Variants in USP48 observed in about 807,000 individuals in gnomAD.
The protein encoded by USP48 is ubiquitin specific peptidase 48.
Under a neutral mutation model 150.7 loss-of-function variants are expected in USP48, and 43 were observed. The ratio of observed to expected loss-of-function variants is 0.29; its 90% CI spans 0.22 to 0.37. The LOEUF is 0.37. Among genes scored for constraint, USP48 ranks in the 10% least tolerant of loss-of-function variants. The pLI is 1.00. For missense variants in USP48, 813 were observed against 1,249.6 expected (o/e 0.65, Z 5.27); for synonymous variants, 396 against 425.9 (o/e 0.93, Z 0.86).
rs2097578893 is a variant in USP48, at chr1:21,685,718, CAG to C, written c.3058+1471_3058+1472del. ...GGTAAACATGATAATCACTACACTA[CAG>C]AAACTCACTTTGTACACTGATTTTT... On this transcript the variant is annotated intron_variant, in intron 25 of 26. Transcript: ENST00000308271. Among the ~76,000 whole-genome samples the C allele has an allele frequency of 2.6e-5, 4 of 152,344 alleles. No homozygotes were observed. The South Asian group carries it at 8.3e-4, about 32-fold the overall frequency.
intron 11 of USP48, among the ~76,000 whole-genome samples, chr1:21,726,721 C>A (rs768082063): frequency 2.6e-5 from 4 of 152,104 alleles, no homozygotes; most frequent in African/African-American, 7.2e-5. Flanking sequence ...TGTTTCTGCA[C>A]TAGAAAAAGA....
At chr1:21,702,495 T>C (rs2097660053) in intron 21 of USP48, among the ~76,000 whole-genome samples, 1 of 151,822 alleles carries the variant, frequency 6.6e-6, no homozygotes. Flanking sequence ...TGCAGGTCAA[T>C]GGAAGAGGCT....
rs772924983 is a variant in USP48, at chr1:21,680,845, G to C, written c.3059-11C>G. The C allele has an allele frequency of 1.9e-6, 3 of 1,580,426 alleles. No homozygotes were observed. The highest frequency in any genetic ancestry group is 2.6e-6 in the Non-Finnish European group (3 of 1,166,648). On this transcript the variant is annotated splice_polypyrimidine_tract_variant and intron_variant, in intron 25 of 26. Transcript: ENST00000308271. ...CTTCTGGCATACAAACTGAAAAAAA[G>C]AAAAAAAGAAGAATTCCAAATTGAA... is the stretch of plus-strand genomic sequence containing the variant.
At chr1:21,781,340 G>A (rs1461113251) in intron 1 of USP48, among the ~76,000 whole-genome samples, 1 of 152,202 alleles carries the variant, frequency 6.6e-6, no homozygotes, top group Non-Finnish European at 1.5e-5. Context: ...TCAGGAGGCT[G>A]AGGCAGGAGA....
Position 21,721,026 on chromosome 1 carries a change from A to C in USP48, c.1894+10T>G, listed in dbSNP as rs201064701. 2.6e-4 allele frequency: 423 copies of C among 1,614,022 alleles called. 1 individual carries two copies. The African/African-American group carries it at 5.2e-3, about 20-fold the overall frequency. On this transcript the variant is annotated intron_variant, in intron 14 of 26. Coordinates refer to ENST00000308271, the MANE Select transcript of USP48 (RefSeq NM_032236.8). Reference sequence around the variant, plus strand: ...TTCACAATGATCTACACATAGGTTTAAAGTGTTACCTTTATTTAAGGTGCT... The same window carrying C: ...TTCACAATGATCTACACATAGGTTTCAAGTGTTACCTTTATTTAAGGTGCT...
At position 21,751,595 on chromosome 1, in the gene USP48, T is replaced by C. The variant is rs1398673947; in HGVS notation, c.686A>G (p.Glu229Gly). Residue 229 changes from glutamate to glycine, a missense_variant, in exon 6 of 27, where the codon GAG becomes GGG. Physicochemically the swap from Glu to Gly is moderately conservative, Grantham distance 98. Transcript: ENST00000308271. ...ATAAAATTTTGACAAAAGCTTAGAC[T>C]CTCTGCCACACTGGTTGCAACTATA... is the stretch of plus-strand genomic sequence containing the variant. ...YVTVCNQCGR[E>G]SKLLSKFYEL... is the part of the protein sequence containing the mutation. 3.7e-6 allele frequency: 6 copies of C among 1,613,746 alleles called. No individual in the cohort carries two copies. Among genetic ancestry groups the C allele is most frequent in the African/African-American group, 2.7e-5 (2 of 74,908 alleles).
chr1:21,769,005 ATTTAAT>A (rs555006734), intron 1 of USP48, among the ~76,000 whole-genome samples: 38 of 152,212 alleles, frequency 2.5e-4, no homozygotes, highest in Non-Finnish European at 4.0e-4. Context: ...CTCGTCATGT[ATTTAAT>A]TTTAAGTATT....
At chr1:21,699,434 G>A (rs1294382990) in intron 22 of USP48, among the ~76,000 whole-genome samples, 2 of 150,842 alleles carry the variant, frequency 1.3e-5, no homozygotes, top group Non-Finnish European at 2.9e-5. Flanking sequence ...TCCTGACCTC[G>A]TGATCTGCCC....
In USP48 at chr1:21,752,973, A is replaced by T; in HGVS notation, c.540+19T>A. 6.3e-7 allele frequency: 1 copy of T among 1,577,010 alleles called. No individual in the cohort carries two copies. The highest frequency in any genetic ancestry group is 8.5e-7 in the Non-Finnish European group (1 of 1,170,546). On this transcript the variant is annotated intron_variant, in intron 4 of 26. Transcript: ENST00000308271. ...GGTACCTCTGAATATTTAAAAAAAAAAAAAAATTCAGTTCTTACCTGCTGT... is the reference window on the plus strand; with the variant it reads ...GGTACCTCTGAATATTTAAAAAAAATAAAAAATTCAGTTCTTACCTGCTGT...
At position 21,703,578 on chromosome 1, in the gene USP48, C is replaced by T; in HGVS notation, c.2556G>A (p.Gln852=). Residue 852 remains glutamine, a synonymous_variant, in exon 21 of 27, where the codon CAG becomes CAA. Coordinates refer to ENST00000308271, the MANE Select transcript of USP48 (RefSeq NM_032236.8). ...PECREGLLCQ[Q]QRDLREYTQA... is the part of the protein sequence containing the mutation. ...GAGTGTATTCACGCAGGTCCCTCTG[C>T]TGCTGACACAATAAGCCTTCTCTGC... 1 of 1,611,544 alleles carries T rather than the reference C, an allele frequency of 6.2e-7. No individual in the cohort carries two copies. Among genetic ancestry groups the T allele is most frequent in the East Asian group, 2.2e-5 (1 of 44,882 alleles).
chr1:21,775,270 G>C (rs2097894865), intron 1 of USP48, among the ~76,000 whole-genome samples: 1 of 151,674 alleles, frequency 6.6e-6, no homozygotes, highest in South Asian at 2.1e-4. Context: ...TTGGTTGGTT[G>C]GTTTTTATTG....
intron 8 of USP48, among the ~76,000 whole-genome samples, chr1:21,738,442 G>GC (rs1557536618): frequency 7.0e-6 from 1 of 142,594 alleles, no homozygotes; most frequent in Non-Finnish European, 1.5e-5. Flanking sequence ...TGCAACCTCC[G>GC]CCCCCCTGGG....
intron 1 of USP48, among the ~76,000 whole-genome samples, chr1:21,759,245 G>C (rs770862875): frequency 4.8e-4 from 67 of 139,296 alleles, no homozygotes; most frequent in Non-Finnish European, 8.7e-4. Flanking sequence ...ATTCAAAACA[G>C]AGAAAACATA....
At position 21,729,739 on chromosome 1, in the gene USP48, G is replaced by C. The variant is rs748595653; in HGVS notation, c.1265C>G (p.Thr422Ser). The C allele has an allele frequency of 3.7e-6, 6 of 1,613,950 alleles. No individual in the cohort carries two copies. The African/African-American group carries it at 5.3e-5, about 14-fold the overall frequency. Residue 422 changes from threonine (T) to serine (S), a missense_variant, in exon 10 of 27, where the codon ACT becomes AGT. Coordinates refer to ENST00000308271, the MANE Select transcript of USP48 (RefSeq NM_032236.8). ...NAYMLVYRLQ[T>S]QEKPNTTVQV... ...AACAGTAGTGTTGGGCTTTTCTTGA[G>C]TTTGCAGTCTATAAACCAACATATA...
At chr1:21,762,896 G>A (rs1033021964) in intron 1 of USP48, among the ~76,000 whole-genome samples, 1 of 146,646 alleles carries the variant, frequency 6.8e-6, no homozygotes, top group Admixed American at 6.8e-5. Flanking sequence ...AAATTCACAC[G>A]ACCTGGCTGG....
intron 3 of USP48, among the ~76,000 whole-genome samples, 153 bp from the exon 4 acceptor site, chr1:21,753,272 C>T (rs2097821453): frequency 6.6e-6 from 1 of 152,210 alleles, no homozygotes; most frequent in Non-Finnish European, 1.5e-5. Flanking sequence ...AAGAAATAGG[C>T]TGAGCACGGT....
At chr1:21,746,982 G>A in intron 8 of USP48, 85 bp downstream of exon 8, 1 of 1,081,620 alleles carries the variant, frequency 9.2e-7, no homozygotes. Context: ...ATTGGCAATT[G>A]ACTGCTATTC....
intron 9 of USP48, among the ~76,000 whole-genome samples, chr1:21,735,918 A>AG (rs1213307980): frequency 6.6e-6 from 1 of 150,826 alleles, no homozygotes; most frequent in African/African-American, 2.4e-5. Context: ...GAGAAGGAAA[A>AG]GGAAGAATTA....
chr1:21,770,406 G>A (rs2097876052), intron 1 of USP48, among the ~76,000 whole-genome samples: 1 of 151,166 alleles, frequency 6.6e-6, no homozygotes, highest in African/African-American at 2.4e-5. Flanking sequence ...GTCTTGAAGT[G>A]TTAGTAATGT....
Sources: gnomAD v4.1 joint callset for allele counts (sites outside exome capture counted in the v4.1 genomes callset) on GRCh38, gnomAD v4.1.1 for gene constraint, MANE v1.5 for transcripts, NCBI Gene and HGNC (gene_info 2026-07-23, HGNC 2026-07-21) for gene names.